The following KIN variants were observed in gnomAD, a reference collection of about 807,000 sequenced individuals.
KIN encodes the protein Kin17 DNA and RNA binding protein.
Under a neutral mutation model 63.0 loss-of-function variants are expected in KIN, and 47 were observed. The ratio of observed to expected loss-of-function variants is 0.75; its 90% CI spans 0.59 to 0.95. The LOEUF (loss-of-function observed/expected upper bound fraction) is 0.95. Ranked by LOEUF, KIN falls within the 40% of genes least tolerant of loss-of-function variation. The pLI is 0.00. For synonymous variants in KIN, 160 were observed against 157.7 expected (o/e 1.01, Z -0.11); for missense variants, 408 against 460.9 (o/e 0.89, Z 1.05).
At chr10:7,774,354 A>C (rs1835725649) in intron 7 of KIN, among the ~76,000 whole-genome samples, 1 of 152,236 alleles carries the variant, frequency 6.6e-6, no homozygotes, top group South Asian at 2.1e-4. Flanking sequence ...GCTAACATTT[A>C]AACTGTGACA....
intron 7 of KIN, among the ~76,000 whole-genome samples, chr10:7,773,203 G>T (rs894911225): frequency 1.1e-4 from 17 of 152,208 alleles, no homozygotes; most frequent in African/African-American, 4.1e-4. Context: ...CAGCCAGCAG[G>T]CTCCTTGATT....
rs113649330 is a variant in KIN, at chr10:7,758,280, G to A, written c.1119+1610C>T. Among the ~76,000 whole-genome samples the A allele has an allele frequency of 1.0e-2, 1,520 of 152,022 alleles. 35 individuals carry two copies. The highest frequency in any genetic ancestry group is 0.035 in the African/African-American group (1,432 of 41,476). On this transcript the variant is annotated intron_variant, in intron 12 of 12. Coordinates refer to ENST00000379562, the MANE Select transcript of KIN (RefSeq NM_012311.4). ...AGATGGGGTTTCTCCATGTTGGCCG[G>A]GCTGGTCTCGAACTCCTGACCTCAG...
intron 1 of KIN, among the ~76,000 whole-genome samples, chr10:7,784,361 T>C (rs1835956483): frequency 6.6e-6 from 1 of 151,904 alleles, no homozygotes; most frequent in Admixed American, 6.6e-5. Flanking sequence ...GGCAGGAGGA[T>C]TGTGTGAGCC....
intron 7 of KIN, among the ~76,000 whole-genome samples, chr10:7,772,493 C>T (rs1835686491): frequency 6.6e-6 from 1 of 152,130 alleles, no homozygotes; most frequent in East Asian, 1.9e-4. Flanking sequence ...CTGTTTCAAG[C>T]AATAAGGGGG....
Position 7,780,444 on chromosome 10 carries a change from G to C in KIN, c.210-137C>G, listed in dbSNP as rs897553221. ...AGTCTCGTTCTCGTCACCCAAGCTG[G>C]AGTGCAATAGTGTGATCTCAGCTCA... is the stretch of plus-strand genomic sequence containing the variant. On this transcript the variant is annotated intron_variant, in intron 2 of 12. Coordinates refer to ENST00000379562, the MANE Select transcript of KIN (RefSeq NM_012311.4). The C allele has an allele frequency of 1.5e-5, 10 of 651,318 alleles. No homozygotes were observed. The African/African-American group carries it at 1.6e-4, about 11-fold the overall frequency. 40.3% of individuals were successfully genotyped at this position (651,318 alleles called of 1,614,324 possible).
intron 7 of KIN, among the ~76,000 whole-genome samples, chr10:7,773,614 T>A (rs888989611): frequency 6.6e-6 from 1 of 152,188 alleles, no homozygotes; most frequent in Non-Finnish European, 1.5e-5. Context: ...ATCTGGCAAA[T>A]CATTTTAAAG....
rs368961991 is a variant in KIN at position 7,758,934 on chromosome 10, GA to G, written c.1119+955del. 4.8e-3 allele frequency among the ~76,000 whole-genome samples: 655 copies of G among 137,832 alleles called. 6 individuals are homozygous for G. The highest frequency in any genetic ancestry group is 0.016 in the African/African-American group (599 of 37,616). The allele number at this position is 137,832 out of a possible 152,430, so 90.4% of individuals were successfully genotyped here. A position where few individuals can be genotyped will look rare whatever the true frequency, so the allele number is the denominator to read the frequency against. ...AGGTTAGCATTGTCAGGATCAGAAA[GA>G]AAAAAAAAAAGGAGAAAAGCTTGAT... On this transcript the variant is annotated intron_variant, in intron 12 of 12. Coordinates refer to ENST00000379562, the MANE Select transcript of KIN (RefSeq NM_012311.4).
At chr10:7,783,244 A>G (rs1835934251) in intron 1 of KIN, 69 bp from the exon 2 acceptor site, 2 of 716,488 alleles carry the variant, frequency 2.8e-6, no homozygotes, top group African/African-American at 3.7e-5. Context: ...AGAAGTATTT[A>G]GTTAAAACCC....
intron 9 of KIN, 29 bp from the exon 10 acceptor site, chr10:7,763,820 G>T: frequency 1.8e-6 from 2 of 1,090,232 alleles, no homozygotes; most frequent in East Asian, 2.4e-5. Context: ...AAAAATGAAA[G>T]GAAAGACAGA....
intron 7 of KIN, among the ~76,000 whole-genome samples, chr10:7,772,720 T>C (rs1391415223): frequency 6.6e-6 from 1 of 152,248 alleles, no homozygotes; most frequent in Non-Finnish European, 1.5e-5. Flanking sequence ...TCCTTATTCA[T>C]GGACTCGGGT....
chr10:7,778,916 C>T lies in KIN; in HGVS notation c.480G>A (p.Lys160=). ...RRQLELEKKK[K]QDLDDEEKTA... The stretch of plus-strand genomic sequence containing the variant: ...TTTTTTCTTCATCATCAAGGTCCTG[C>T]TTTTTCTTTTTCTCCAGTTCCAGTT... Residue 160 remains lysine, a synonymous_variant, in exon 5 of 13, where the codon AAG becomes AAA. Transcript: ENST00000379562. The T allele has an allele frequency of 6.2e-7, 1 of 1,614,074 alleles. No homozygotes were observed. The highest frequency in any genetic ancestry group is 8.5e-7 in the Non-Finnish European group (1 of 1,180,014).
chr10:7,784,792 G>C (rs1487907989), intron 1 of KIN, among the ~76,000 whole-genome samples: 1 of 152,036 alleles, frequency 6.6e-6, no homozygotes, highest in Non-Finnish European at 1.5e-5. Context: ...AGATATATAG[G>C]TATGATTTCT....
At chr10:7,783,213 T>C (rs1440806377) in intron 1 of KIN, 38 bp from the exon 2 acceptor site, 1 of 1,188,516 alleles carries the variant, frequency 8.4e-7, no homozygotes, top group Non-Finnish European at 1.2e-6. Flanking sequence ...CTGATTTAGG[T>C]CATCAAAATG....
chr10:7,772,495 A>G (rs569375532), intron 7 of KIN, among the ~76,000 whole-genome samples: 2 of 152,336 alleles, frequency 1.3e-5, no homozygotes, highest in South Asian at 4.1e-4. Flanking sequence ...GTTTCAAGCA[A>G]TAAGGGGGCT....
rs1306202813 is a variant in KIN at position 7,774,855 on chromosome 10, G to A, written c.644C>T (p.Ser215Phe). 2 of 1,613,300 alleles carry A rather than the reference G, an allele frequency of 1.2e-6. No homozygotes were observed. The highest frequency in any genetic ancestry group is 2.2e-5 in the East Asian group (1 of 44,872). The change falls in exon 7 of 13, where the codon TCC (serine) becomes TTC (phenylalanine). Residue 215 changes from serine (S) to phenylalanine (F), a missense_variant. By Grantham distance (155) the Ser-to-Phe change is radical (BLOSUM62 -2). Around this residue, in one of 2 missense-constraint regions of KIN, gnomAD observed 298 missense variants for 296.0 expected, o/e 1.01. Transcript: ENST00000379562. ...FNLSKGACSS[S>F]GATSSKSSTL... Reference sequence around the variant, plus strand: ...CCTTGACTTGGAAGATGTTGCTCCGGATGAGCTACATGCTCCTTTACTCAA... The same window carrying A: ...CCTTGACTTGGAAGATGTTGCTCCGAATGAGCTACATGCTCCTTTACTCAA...
rs138348357 is a variant in KIN, at chr10:7,784,277, C to T, written c.115-1102G>A. On this transcript the variant is annotated intron_variant, in intron 1 of 12. Transcript: ENST00000379562. ...CTTTACTCCTTTCCCAAAAAAATTGCATCTCAGTTTAACATTTAAGGATGG... is the reference window on the plus strand; with the variant it reads ...CTTTACTCCTTTCCCAAAAAAATTGTATCTCAGTTTAACATTTAAGGATGG... Among the ~76,000 whole-genome samples, 165 of 152,248 alleles carry T rather than the reference C, an allele frequency of 1.1e-3. 1 individual carries two copies. The highest frequency in any genetic ancestry group is 3.7e-3 in the African/African-American group (155 of 41,560).
intron 5 of KIN, among the ~76,000 whole-genome samples, chr10:7,777,367 C>A (rs938681776): frequency 1.1e-4 from 16 of 151,798 alleles, no homozygotes; most frequent in African/African-American, 3.9e-4. Context: ...CATGAGGAAA[C>A]CCTCTGGGAT....
intron 1 of KIN, among the ~76,000 whole-genome samples, chr10:7,784,969 G>A (rs79254675): frequency 0.033 from 5,079 of 152,200 alleles, 121 homozygotes; most frequent in South Asian, 0.095. Flanking sequence ...AATACTATAG[G>A]CTGGGCATGG....
chr10:7,780,121 T>A lies in KIN; in HGVS notation c.311A>T (p.His104Leu), dbSNP rs1167501165. 2.5e-6 allele frequency: 4 copies of A among 1,614,042 alleles called. No individual in the cohort carries two copies. The Admixed American group carries it at 6.7e-5, about 27-fold the overall frequency. ...VYNEYISHRE[H>L]IHMNATQWET... ...CCACTGAGTGGCATTCATGTGGATG[T>A]GCTCTCGGTGGCTGATGTATTCGTT... Residue 104 changes from histidine (H) to leucine (L), a missense_variant, in exon 4 of 13, where the codon CAC becomes CTC. This residue lies in a region of KIN where 110 missense variants were observed against 164.9 expected (regional missense o/e 0.67). Coordinates refer to ENST00000379562, the MANE Select transcript of KIN (RefSeq NM_012311.4).
Sources: gnomAD v4.1 joint callset for allele counts (sites outside exome capture counted in the v4.1 genomes callset) on GRCh38, gnomAD v4.1.1 for gene constraint, gnomAD v4.1.1 regional missense constraint, MANE v1.5 for transcripts, NCBI Gene and HGNC (gene_info 2026-07-23, HGNC 2026-07-21) for gene names.